Variants in SGK3 observed in about 807,000 individuals in gnomAD.
SGK3 encodes the protein serum/glucocorticoid regulated kinase family member 3.
In SGK3, 47 loss-of-function variants were observed where a neutral mutation model predicts 68.5. The ratio of observed to expected loss-of-function variants is 0.69; its 90% CI spans 0.54 to 0.87. The LOEUF (loss-of-function observed/expected upper bound fraction) is 0.87, where lower values mean the gene tolerates loss of function less well. Among genes scored for constraint, SGK3 ranks in the 40% least tolerant of loss-of-function variants. The pLI is 0.00. For synonymous variants in SGK3, 181 were observed against 189.1 expected (o/e 0.96, Z 0.35); for missense variants, 479 against 575.5 (o/e 0.83, Z 1.72).
intron 3 of SGK3, among the ~76,000 whole-genome samples, chr8:66,799,608 A>G (rs996108608): frequency 6.6e-5 from 10 of 152,174 alleles, no homozygotes; most frequent in African/African-American, 2.4e-4. Context: ...TTGTGCCTCA[A>G]ATCCCCAATG....
At position 66,859,663 on chromosome 8, in the gene SGK3, T is replaced by C; in HGVS notation, c.*82T>C. On this transcript the variant is annotated 3_prime_UTR_variant, in exon 17 of 17. Transcript: ENST00000521198. ...TTCTATTTGTGTGAATATATTCAAA[T>C]ATGTATAACTAGTGCCTCATTTTTA... 6 of 1,365,982 alleles carry C rather than the reference T, an allele frequency of 4.4e-6. No individual in the cohort carries two copies. The highest frequency in any genetic ancestry group is 5.8e-6 in the Non-Finnish European group (6 of 1,036,738). The allele number at this position is 1,365,982 out of a possible 1,614,324, so 84.6% of individuals were successfully genotyped here. A position where few individuals can be genotyped will look rare whatever the true frequency, so the allele number is the denominator to read the frequency against.
intron 15 of SGK3, 36 bp from the exon 16 acceptor site, chr8:66,850,795 C>G (rs775124752): frequency 6.4e-7 from 1 of 1,552,926 alleles, no homozygotes; most frequent in Non-Finnish European, 8.7e-7. Flanking sequence ...ATATATTCTT[C>G]GGCATTAGTA....
At chr8:66,767,178 T>A (rs1563616492) in intron 1 of SGK3, among the ~76,000 whole-genome samples, 3 of 152,224 alleles carry the variant, frequency 2.0e-5, no homozygotes, top group Non-Finnish European at 4.4e-5. Flanking sequence ...TTGTTTTCTA[T>A]TTATCTGTTC....
intron 1 of SGK3, chr8:66,790,591 T>C (rs1807407197): frequency 6.6e-6 from 1 of 152,248 alleles, no homozygotes; most frequent in African/African-American, 2.4e-5. Context: ...GGGCTTGATC[T>C]TTAGTCTTCT....
intron 1 of SGK3, among the ~76,000 whole-genome samples, chr8:66,786,858 C>A (rs1284611481): frequency 7.0e-6 from 1 of 143,600 alleles, no homozygotes; most frequent in East Asian, 2.2e-4. Context: ...TCATACTTAA[C>A]AAATTTTTAT....
intron 1 of SGK3, among the ~76,000 whole-genome samples, chr8:66,753,587 G>A (rs1327000675): frequency 3.3e-5 from 5 of 152,180 alleles, no homozygotes; most frequent in Admixed American, 2.0e-4. Context: ...CACTTTGGGA[G>A]GCCCAGGAGG....
At chr8:66,802,167 C>T (rs1174079527) in intron 3 of SGK3, among the ~76,000 whole-genome samples, 1 of 151,942 alleles carries the variant, frequency 6.6e-6, no homozygotes, top group Non-Finnish European at 1.5e-5. Flanking sequence ...ATTCTGCCTC[C>T]TGTGGTGAGG....
Position 66,729,746 on chromosome 8 carries a change from T to G in SGK3, c.-122+16913T>G, listed in dbSNP as rs181328738. Among the ~76,000 whole-genome samples the G allele has an allele frequency of 6.6e-5, 10 of 151,864 alleles. No individual in the cohort carries two copies. The East Asian group carries it at 1.9e-3, about 29-fold the overall frequency. On this transcript the variant is annotated intron_variant, in intron 1 of 16. Transcript: ENST00000521198. Reference sequence around the variant, plus strand: ...ATTTATTTATTTATTTTTATTTATTTATTTATTTATTTATTGAGACAGAGT... The same window carrying G: ...ATTTATTTATTTATTTTTATTTATTGATTTATTTATTTATTGAGACAGAGT...
intron 15 of SGK3, among the ~76,000 whole-genome samples, chr8:66,849,870 C>T (rs1048615005): frequency 3.3e-5 from 5 of 152,236 alleles, no homozygotes; most frequent in South Asian, 2.1e-4. Context: ...TAAGCCACTG[C>T]GCCTGGCCCA....
intron 1 of SGK3, among the ~76,000 whole-genome samples, chr8:66,732,403 A>C (rs1805183164): frequency 6.6e-6 from 1 of 151,324 alleles, no homozygotes; most frequent in South Asian, 2.1e-4. Flanking sequence ...CAGGAGAATC[A>C]CTTGAACCCA....
At chr8:66,743,437 TCTCA>T (rs754247671) in intron 1 of SGK3, among the ~76,000 whole-genome samples, 59 of 152,344 alleles carry the variant, frequency 3.9e-4, no homozygotes, top group Non-Finnish European at 8.8e-5. Flanking sequence ...GACAGGGACT[TCTCA>T]CTCAGGCTGT....
chr8:66,735,482 C>T (rs1017540024), intron 1 of SGK3, among the ~76,000 whole-genome samples: 18 of 152,114 alleles, frequency 1.2e-4, no homozygotes, highest in African/African-American at 4.3e-4. Flanking sequence ...AAGCTTGGGT[C>T]CCCTGGAGAA....
chr8:66,843,486 A>G lies in SGK3; in HGVS notation c.1013A>G (p.Tyr338Cys), dbSNP rs759490983. 6.2e-7 allele frequency: 1 copy of G among 1,613,904 alleles called. No individual in the cohort carries two copies. The highest frequency in any genetic ancestry group is 1.1e-5 in the South Asian group (1 of 91,068). The change falls in exon 14 of 17, where the codon TAT (tyrosine) becomes TGT (cysteine). Residue 338 changes from tyrosine (Y) to cysteine (C), a missense_variant. Tyr to Cys is a radical substitution (Grantham distance 194). Coordinates refer to ENST00000521198, the MANE Select transcript of SGK3 (RefSeq NM_001033578.3). Reference sequence around the variant, plus strand: ...CCTGAAGTAATTAGAAAACAGCCCTATGACAATACTGTAGATTGGTGGTGC... The same window carrying G: ...CCTGAAGTAATTAGAAAACAGCCCTGTGACAATACTGTAGATTGGTGGTGC... ...LAPEVIRKQP[Y>C]DNTVDWWCLG...
At chr8:66,856,409 C>T (rs981175165) in intron 16 of SGK3, among the ~76,000 whole-genome samples, 6 of 152,128 alleles carry the variant, frequency 3.9e-5, no homozygotes, top group Admixed American at 3.3e-4. Context: ...GTTGAGTATC[C>T]TTTATCTGAA....
intron 1 of SGK3, among the ~76,000 whole-genome samples, chr8:66,789,801 G>A (rs1291990222): frequency 3.3e-5 from 5 of 152,132 alleles, no homozygotes. Context: ...CAATATGCTG[G>A]GTGTGGTGGC....
chr8:66,849,696 A>G (rs929904016), intron 15 of SGK3, among the ~76,000 whole-genome samples: 3 of 151,438 alleles, frequency 2.0e-5, no homozygotes, highest in African/African-American at 7.3e-5. Flanking sequence ...CCCAGGTTCA[A>G]GTGATCCTCC....
chr8:66,852,726 T>A (rs1810346247), intron 16 of SGK3, among the ~76,000 whole-genome samples: 2 of 152,208 alleles, frequency 1.3e-5, no homozygotes, highest in Non-Finnish European at 2.9e-5. Context: ...CCTACATACA[T>A]AATATTTGTA....
intron 8 of SGK3, among the ~76,000 whole-genome samples, chr8:66,835,206 A>G (rs1341017581): frequency 2.6e-5 from 4 of 152,204 alleles, no homozygotes; most frequent in African/African-American, 7.2e-5. Context: ...GGAGAGGTCA[A>G]GGCTGCAAGT....
chr8:66,800,379 CTTTTTTT>C (rs35415180), intron 3 of SGK3, among the ~76,000 whole-genome samples: 4 of 102,388 alleles, frequency 3.9e-5, no homozygotes, highest in African/African-American at 1.1e-4. Context: ...TTTTTCATTT[CTTTTTTT>C]TTTTTTTTTT....
Sources: allele counts gnomAD v4.1 joint callset (sites outside exome capture counted in the v4.1 genomes callset), GRCh38; gene constraint gnomAD v4.1.1; transcripts MANE v1.5; gene names NCBI Gene and HGNC (gene_info 2026-07-23, HGNC 2026-07-21).